The following SAP30BP variants were observed in gnomAD, a reference collection of about 807,000 sequenced individuals.
SAP30BP encodes SAP30 binding protein, also known as SAP30-binding protein.
A neutral mutation model predicts 46.3 loss-of-function variants in SAP30BP; 31 were observed. The observed-to-expected ratio is 0.67, with a 90% CI of 0.50 to 0.90. The LOEUF is 0.90. Ranked by LOEUF, SAP30BP falls within the 40% of genes least tolerant of loss-of-function variation. The pLI is 0.00. For missense variants in SAP30BP, 312 were observed against 391.0 expected (o/e 0.80, Z 1.70); for synonymous variants, 169 against 144.2 (o/e 1.17, Z -1.23).
intron 2 of SAP30BP, among the ~76,000 whole-genome samples, chr17:75,669,798 C>G (rs1177580111): frequency 6.6e-6 from 1 of 152,098 alleles, no homozygotes; most frequent in Non-Finnish European, 1.5e-5. Flanking sequence ...GAAAGGAGAA[C>G]CTGTGCTATT....
At chr17:75,688,597 G>T (rs1220074009) in intron 3 of SAP30BP, among the ~76,000 whole-genome samples, 1 of 152,072 alleles carries the variant, frequency 6.6e-6, no homozygotes, top group Non-Finnish European at 1.5e-5. Flanking sequence ...CTGGAGCTTT[G>T]TGGGGCCGGT....
intron 1 of SAP30BP, 53 bp downstream of exon 1, chr17:75,667,531 C>A: frequency 6.5e-7 from 1 of 1,526,884 alleles, no homozygotes; most frequent in Non-Finnish European, 9.1e-7. Flanking sequence ...GCCCGGAATG[C>A]TGTACCCTCG....
intron 3 of SAP30BP, among the ~76,000 whole-genome samples, chr17:75,686,802 G>A (rs1255905954): frequency 6.6e-6 from 1 of 152,204 alleles, no homozygotes; most frequent in Non-Finnish European, 1.5e-5. Flanking sequence ...TGGCCTCTGG[G>A]GTGGGATGTT....
At chr17:75,675,500 A>T (rs1481979622) in intron 3 of SAP30BP, among the ~76,000 whole-genome samples, 1 of 152,174 alleles carries the variant, frequency 6.6e-6, no homozygotes, top group Non-Finnish European at 1.5e-5. Context: ...TTCTCAAAAC[A>T]TTTAGGTTTC....
intron 3 of SAP30BP, among the ~76,000 whole-genome samples, chr17:75,677,187 C>T (rs996933979): frequency 2.1e-5 from 3 of 146,268 alleles, no homozygotes; most frequent in Non-Finnish European, 4.5e-5. Flanking sequence ...CTCACTGCAA[C>T]CTCTGCCTTC....
chr17:75,705,578 T>TCC, intron 9 of SAP30BP: 1 of 1,007,658 alleles, frequency 9.9e-7, no homozygotes, highest in Non-Finnish European at 1.2e-6. Flanking sequence ...GAATCTCCCT[T>TCC]CTCTCTCTTT....
intron 3 of SAP30BP, among the ~76,000 whole-genome samples, chr17:75,687,435 G>A (rs2060173268): frequency 6.6e-6 from 1 of 151,980 alleles, no homozygotes; most frequent in Non-Finnish European, 1.5e-5. Flanking sequence ...GGGCAACATA[G>A]TGAGACCCCA....
At position 75,706,986 on chromosome 17, in the gene SAP30BP, G is replaced by A. The variant is rs377376763; in HGVS notation, c.*465G>A. 8.3e-5 allele frequency: 14 copies of A among 167,954 alleles called. No individual in the cohort carries two copies. The highest frequency in any genetic ancestry group is 5.5e-4 in the Admixed American group (10 of 18,106). The allele number at this position is 167,954 out of a possible 1,614,324, so 10.4% of individuals were successfully genotyped here. On this transcript the variant is annotated 3_prime_UTR_variant, in exon 11 of 11. Coordinates refer to ENST00000584667, the MANE Select transcript of SAP30BP (RefSeq NM_013260.8). This position sits in a 1 kb window ranked among gnomAD's most constrained non-coding sequence, Gnocchi z 4.6. ...ACAGGCGGGAGTCCCCGAGCCCCACGTATGCCCCATCTGCCGCCTTGATCC... is the reference window on the plus strand; with the variant it reads ...ACAGGCGGGAGTCCCCGAGCCCCACATATGCCCCATCTGCCGCCTTGATCC...
At position 75,680,431 on chromosome 17, in the gene SAP30BP, G is replaced by C. The variant is rs999003663; in HGVS notation, c.264+8568G>C. ...TGGTGGACTTGTGGTCCGAAGACCT[G>C]GGTTGTGCCCTGGCCTGGCTTCCCT... On this transcript the variant is annotated intron_variant, in intron 3 of 10. Transcript: ENST00000584667. Among the ~76,000 whole-genome samples the C allele has an allele frequency of 4.6e-5, 7 of 152,328 alleles. No homozygotes were observed. In the East Asian group the frequency reaches 1.2e-3, roughly 25 times the overall value.
intron 8 of SAP30BP, 119 bp downstream of exon 8, chr17:75,703,978 C>G (rs1430392552): frequency 2.5e-6 from 2 of 814,852 alleles, no homozygotes; most frequent in East Asian, 4.9e-5. Flanking sequence ...AGGCCATGTT[C>G]AAGGGGGCTG....
At chr17:75,674,455 C>T (rs2059953276) in intron 3 of SAP30BP, among the ~76,000 whole-genome samples, 1 of 151,590 alleles carries the variant, frequency 6.6e-6, no homozygotes, top group Non-Finnish European at 1.5e-5. Flanking sequence ...CCACCATGCC[C>T]AGCTAATTTT....
chr17:75,698,308 AT>A (rs1179696847), intron 4 of SAP30BP, among the ~76,000 whole-genome samples: 2 of 152,204 alleles, frequency 1.3e-5, no homozygotes, highest in African/African-American at 2.4e-5. Context: ...TGATTGGTTT[AT>A]TTTTAAAAGA....
At chr17:75,687,865 G>T (rs1243626598) in intron 3 of SAP30BP, among the ~76,000 whole-genome samples, 2 of 151,980 alleles carry the variant, frequency 1.3e-5, no homozygotes, top group Non-Finnish European at 2.9e-5. Context: ...CATAACAGCT[G>T]AAGGTAGGTG....
intron 2 of SAP30BP, among the ~76,000 whole-genome samples, chr17:75,670,240 T>C (rs1291825944): frequency 6.6e-6 from 1 of 151,974 alleles, no homozygotes; most frequent in Admixed American, 6.6e-5. Flanking sequence ...GAGAATCGCT[T>C]GAACCCGGGA....
At chr17:75,680,178 C>T (rs1240215734) in intron 3 of SAP30BP, among the ~76,000 whole-genome samples, 5 of 152,014 alleles carry the variant, frequency 3.3e-5, no homozygotes, top group Non-Finnish European at 4.4e-5. Flanking sequence ...CTAGATCTCA[C>T]GCTCTGATCT....
intron 3 of SAP30BP, chr17:75,690,611 G>A (rs1320121659): frequency 2.2e-6 from 1 of 450,828 alleles, no homozygotes; most frequent in Non-Finnish European, 4.5e-6. Context: ...GAGCCACTGC[G>A]CCTGACCAAG....
chr17:75,671,120 T>C (rs1022081944), intron 2 of SAP30BP, among the ~76,000 whole-genome samples: 5 of 152,206 alleles, frequency 3.3e-5, no homozygotes, highest in African/African-American at 7.2e-5. Context: ...TGACCTCATC[T>C]GGATAAGGAA....
At chr17:75,702,380 C>T (rs879449680) in intron 5 of SAP30BP, 100 bp from the exon 6 acceptor site, 41 of 556,526 alleles carry the variant, frequency 7.4e-5, no homozygotes, top group Non-Finnish European at 1.1e-4. Context: ...ACTGGAGCCT[C>T]ATGTTCATGC....
At chr17:75,691,165 G>C (rs758957621) in intron 3 of SAP30BP, among the ~76,000 whole-genome samples, 1 of 152,080 alleles carries the variant, frequency 6.6e-6, no homozygotes, top group African/African-American at 2.4e-5. Flanking sequence ...CTCTTGTTGC[G>C]AGTTGAGGGT....
Sources: allele counts gnomAD v4.1 joint callset (sites outside exome capture counted in the v4.1 genomes callset), GRCh38; gene constraint gnomAD v4.1.1; non-coding constraint Gnocchi (gnomAD v3.1); transcripts MANE v1.5; gene names NCBI Gene and HGNC (gene_info 2026-07-23, HGNC 2026-07-21).